ZNF71: variants seen among roughly 807,000 people sequenced by gnomAD.
ZNF71 encodes the protein endothelial zinc finger protein induced by tumor necrosis factor alpha.
In ZNF71, 3 loss-of-function variants were observed where a neutral mutation model predicts 6.7. The ratio of observed to expected loss-of-function variants is 0.45; its 90% CI spans 0.20 to 1.16. The LOEUF is 1.16. ZNF71 is among the 50% of genes most tolerant of loss of function. The pLI is 0.25. For missense variants in ZNF71, 688 were observed against 728.6 expected (o/e 0.94, Z 0.64); for synonymous variants, 343 against 311.1 (o/e 1.10, Z -1.08).
chr19:56,618,198 A>G lies in ZNF71; in HGVS notation c.161-3070A>G, dbSNP rs143047781. ...CCTCAGGAGCCACAGCTCGGGGGCC[A>G]CACTGCCAGGGCTTGAATCCTGCTG... On this transcript the variant is annotated intron_variant, in intron 3 of 3. Coordinates refer to ENST00000599599, the MANE Select transcript of ZNF71 (RefSeq NM_001370215.1). The surrounding 1 kb of genome is among the most constrained non-coding windows in gnomAD (Gnocchi z 4.6). 6.6e-6 allele frequency among the ~76,000 whole-genome samples: 1 copy of G among 152,344 alleles called. No individual in the cohort carries two copies. Among genetic ancestry groups the G allele is most frequent in the African/African-American group, 2.4e-5 (1 of 41,582 alleles).
chr19:56,606,726 C>G (rs1210361552), intron 2 of ZNF71, among the ~76,000 whole-genome samples: 1 of 152,046 alleles, frequency 6.6e-6, no homozygotes, highest in African/African-American at 2.4e-5. Context: ...TTCCTCACAG[C>G]ATGGCATGTG....
intron 2 of ZNF71, among the ~76,000 whole-genome samples, chr19:56,608,763 T>C (rs1440350898): frequency 2.6e-5 from 4 of 152,184 alleles, no homozygotes; most frequent in Non-Finnish European, 5.9e-5. Context: ...ATATTCACAG[T>C]GTCACTCCTC....
chr19:56,597,236 T>C (rs889200424), intron 1 of ZNF71, among the ~76,000 whole-genome samples: 1 of 152,190 alleles, frequency 6.6e-6, no homozygotes, highest in Non-Finnish European at 1.5e-5. Flanking sequence ...TGGTCACTGC[T>C]GTGATCTGGC....
chr19:56,604,486 T>TC (rs1158962232), intron 2 of ZNF71, among the ~76,000 whole-genome samples: 8 of 152,210 alleles, frequency 5.3e-5, no homozygotes, highest in Non-Finnish European at 1.2e-4. Context: ...GAGAGCTTCC[T>TC]CCATCACACG....
intron 2 of ZNF71, among the ~76,000 whole-genome samples, chr19:56,609,565 T>C (rs2044734393): frequency 6.6e-6 from 1 of 151,964 alleles, no homozygotes; most frequent in African/African-American, 2.4e-5. Context: ...GTCCCGGACA[T>C]TGTGTATAAA....
At chr19:56,617,122 G>GTTTTTTTTT (rs367787804) in intron 3 of ZNF71, among the ~76,000 whole-genome samples, 1 of 142,784 alleles carries the variant, frequency 7.0e-6, no homozygotes, top group Non-Finnish European at 1.5e-5. Context: ...GTTTTTTTTT[G>GTTTTTTTTT]TTTTTTTTGA....
At position 56,621,091 on chromosome 19, in the gene ZNF71, C is replaced by T. The variant is rs77922799; in HGVS notation, c.161-177C>T. On this transcript the variant is annotated intron_variant, in intron 3 of 3. Coordinates refer to ENST00000599599, the MANE Select transcript of ZNF71 (RefSeq NM_001370215.1). ...TCTGCTTCATAAACCACATTGGCCT[C>T]AGTTCCATGCCTCCCTCCTCCCTCC... Among the ~76,000 whole-genome samples the T allele has an allele frequency of 6.7e-3, 1,020 of 152,326 alleles. 10 individuals carry two copies. The highest frequency in any genetic ancestry group is 0.024 in the African/African-American group (985 of 41,570).
At position 56,623,844 on chromosome 19, in the gene ZNF71, C is replaced by A. The variant is rs1230949488; in HGVS notation, c.*1087C>A. 2 of 167,052 alleles carry A rather than the reference C, an allele frequency of 1.2e-5. No individual in the cohort carries two copies. Among genetic ancestry groups the A allele is most frequent in the Non-Finnish European group, 2.9e-5 (2 of 68,134 alleles). The allele number at this position is 167,052 out of a possible 1,614,324, so 10.3% of individuals were successfully genotyped here. The stretch of plus-strand genomic sequence containing the variant: ...TTGTAAACGGCAGACTTCCTCAGGC[C>A]CCTTATAAGGGTGCTAATCCCAGTC... On this transcript the variant is annotated 3_prime_UTR_variant, in exon 4 of 4. Coordinates refer to ENST00000599599, the MANE Select transcript of ZNF71 (RefSeq NM_001370215.1).
At chr19:56,617,119 T>A (rs934383479) in intron 3 of ZNF71, among the ~76,000 whole-genome samples, 6 of 148,084 alleles carry the variant, frequency 4.1e-5, no homozygotes, top group Non-Finnish European at 7.4e-5. Flanking sequence ...TTTGTTTTTT[T>A]TTGTTTTTTT....
intron 1 of ZNF71, among the ~76,000 whole-genome samples, chr19:56,595,655 G>C (rs7259737): frequency 0.99 from 150,914 of 152,172 alleles, 74,834 homozygotes; most frequent in East Asian, 1. Flanking sequence ...GCATGAACAC[G>C]AGGGCCATCC....
chr19:56,605,293 C>T (rs73618947), intron 2 of ZNF71, among the ~76,000 whole-genome samples: 12,438 of 151,466 alleles, frequency 0.082, 1,627 homozygotes, highest in African/African-American at 0.28. Flanking sequence ...CACAATAGGT[C>T]TCTCATTACT....
chr19:56,622,293 A>G lies in ZNF71; in HGVS notation c.1186A>G (p.Ser396Gly), dbSNP rs760203689. ...GTGCGGCGAGTGCGGCAAGGCCTTCAGCCAGAGCTCCTACCTCATCCAGCA... is the reference window on the plus strand; with the variant it reads ...GTGCGGCGAGTGCGGCAAGGCCTTCGGCCAGAGCTCCTACCTCATCCAGCA... ...YVCGECGKAF[S>G]QSSYLIQHQR... The change falls in exon 4 of 4, where the codon AGC becomes GGC. Residue 396 changes from serine to glycine, a missense_variant. Coordinates refer to ENST00000599599, the MANE Select transcript of ZNF71 (RefSeq NM_001370215.1). 7 of 1,609,662 alleles carry G rather than the reference A, an allele frequency of 4.3e-6. No individual in the cohort carries two copies. The African/African-American group carries it at 9.4e-5, about 22-fold the overall frequency.
At chr19:56,610,717 C>A (rs1016498587) in intron 2 of ZNF71, among the ~76,000 whole-genome samples, 1 of 152,226 alleles carries the variant, frequency 6.6e-6, no homozygotes, top group African/African-American at 2.4e-5. Context: ...GTCTGTTCTC[C>A]TATCAGGAGT....
In ZNF71 at chr19:56,598,384, C is replaced by G. The variant is rs1018333478; in HGVS notation, c.-53+2956C>G. Among the ~76,000 whole-genome samples the G allele has an allele frequency of 3.9e-5, 6 of 152,048 alleles. No individual in the cohort carries two copies. The highest frequency in any genetic ancestry group is 1.4e-4 in the African/African-American group (6 of 41,396). On this transcript the variant is annotated intron_variant, in intron 1 of 3. Coordinates refer to ENST00000599599, the MANE Select transcript of ZNF71 (RefSeq NM_001370215.1). This position sits in a 1 kb window ranked among gnomAD's most constrained non-coding sequence, Gnocchi z 4.2. ...GGGCACATCATAAGGGCTATGTGGG[C>G]AGCAGTGAAGACTTTGAGTGATTTC...
intron 2 of ZNF71, chr19:56,609,832 TG>T (rs2044738127): frequency 6.6e-6 from 1 of 151,762 alleles, no homozygotes; most frequent in African/African-American, 2.4e-5. Flanking sequence ...GTATGGATTT[TG>T]CCTGTTCTGG....
chr19:56,624,196 C>A lies in ZNF71; in HGVS notation c.*1439C>A, dbSNP rs2044890560. The A allele has an allele frequency of 6.1e-6, 1 of 165,030 alleles. No individual in the cohort carries two copies. The highest frequency in any genetic ancestry group is 2.4e-5 in the African/African-American group (1 of 41,450). 10.2% of individuals were successfully genotyped at this position (165,030 alleles called of 1,614,324 possible). On this transcript the variant is annotated 3_prime_UTR_variant, in exon 4 of 4. Transcript: ENST00000599599. ...ACAGAAAAAAAATTATATCAGCAAG[C>A]ACATTCTGCAAATAAGAAAAACAGC...
rs765637385 is a variant in ZNF71 at position 56,622,386 on chromosome 19, T to A, written c.1279T>A (p.Ser427Thr). 3.7e-6 allele frequency: 6 copies of A among 1,611,438 alleles called. No homozygotes were observed. The East Asian group carries it at 9.0e-5, about 24-fold the overall frequency. ...GTGCGGCAAGGCCTTCAGCAAGAAC[T>A]CCTCGCTCACGCAGCACCAGCGCAT... is the stretch of plus-strand genomic sequence containing the variant. ...SECGKAFSKN[S>T]SLTQHQRIHT... The change falls in exon 4 of 4, where the codon TCC becomes ACC. Residue 427 changes from serine to threonine, a missense_variant. Physicochemically the swap from Ser to Thr is moderately conservative, Grantham distance 58 (BLOSUM62 1). Coordinates refer to ENST00000599599, the MANE Select transcript of ZNF71 (RefSeq NM_001370215.1).
chr19:56,617,572 T>C (rs181657946), intron 3 of ZNF71, among the ~76,000 whole-genome samples: 98 of 152,360 alleles, frequency 6.4e-4, no homozygotes, highest in Non-Finnish European at 9.6e-4. Flanking sequence ...GTTTTGCACA[T>C]TAACGGCTTT....
At position 56,618,427 on chromosome 19, in the gene ZNF71, C is replaced by T. The variant is rs115529157; in HGVS notation, c.161-2841C>T. On this transcript the variant is annotated intron_variant, in intron 3 of 3. Coordinates refer to ENST00000599599, the MANE Select transcript of ZNF71 (RefSeq NM_001370215.1). The surrounding 1 kb of genome is among the most constrained non-coding windows in gnomAD (Gnocchi z 4.6). ...GTGCTCCATACTCGCTTATCTGGTA[C>T]CTTCTGTGTGCAGGCTGTGTGAGGA... Among the ~76,000 whole-genome samples the T allele has an allele frequency of 7.9e-3, 1,197 of 152,308 alleles. 20 individuals carry two copies. The highest frequency in any genetic ancestry group is 0.025 in the African/African-American group (1,054 of 41,568).
Sources: gnomAD v4.1 joint callset for allele counts (sites outside exome capture counted in the v4.1 genomes callset) on GRCh38, gnomAD v4.1.1 for gene constraint, Gnocchi (gnomAD v3.1) non-coding constraint, MANE v1.5 for transcripts, NCBI Gene and HGNC (gene_info 2026-07-23, HGNC 2026-07-21) for gene names.